Variants in ADGRB3 observed in about 807,000 individuals in gnomAD.
The protein encoded by ADGRB3 is adhesion G protein-coupled receptor B3.
Under a neutral mutation model 193.4 loss-of-function variants are expected in ADGRB3, and 37 were observed. The observed-to-expected ratio is 0.19, with a 90% confidence interval of 0.15 to 0.25. The LOEUF is 0.25. ADGRB3 is among the 10% of genes least tolerant of loss of function. The pLI is 1.00. For synonymous variants in ADGRB3, 690 were observed against 644.2 expected (o/e 1.07, Z -1.08); for missense variants, 1,637 against 1,852.9 (o/e 0.88, Z 2.14).
chr6:69,282,456 A>T (rs1561975936), intron 20 of ADGRB3, among the ~76,000 whole-genome samples: 1 of 152,198 alleles, frequency 6.6e-6, no homozygotes, highest in Non-Finnish European at 1.5e-5. Context: ...CTTTTGTCAA[A>T]AGTGAATTGA....
At position 69,170,960 on chromosome 6, in the gene ADGRB3, G is replaced by T. The variant is rs558648639; in HGVS notation, c.2481-62330G>T. The stretch of plus-strand genomic sequence containing the variant: ...ATAATGTAAGCTACATACATAATTT[G>T]CAATCTTCTAGTAGCCATACGAAAA... On this transcript the variant is annotated intron_variant, in intron 17 of 31. Transcript: ENST00000370598. Among the ~76,000 whole-genome samples, 31 of 152,196 alleles carry T rather than the reference G, an allele frequency of 2.0e-4. 1 individual carries two copies. The highest frequency in any genetic ancestry group is 7.0e-4 in the African/African-American group (29 of 41,524).
At chr6:69,363,168 C>T (rs551275003) in intron 29 of ADGRB3, among the ~76,000 whole-genome samples, 2 of 151,872 alleles carry the variant, frequency 1.3e-5, no homozygotes, top group African/African-American at 2.4e-5. Context: ...TCCAAATTTC[C>T]GTATCCTTAT....
intron 20 of ADGRB3, among the ~76,000 whole-genome samples, chr6:69,312,113 C>G (rs1157931597): frequency 6.6e-6 from 1 of 151,582 alleles, no homozygotes; most frequent in African/African-American, 2.4e-5. Flanking sequence ...GCTGACTCCC[C>G]ACAGGAATCT....
intron 24 of ADGRB3, among the ~76,000 whole-genome samples, chr6:69,337,367 G>A (rs527686831): frequency 2.6e-5 from 4 of 152,074 alleles, no homozygotes; most frequent in African/African-American, 9.7e-5. Flanking sequence ...TTAGAGAAGT[G>A]GTACTTGTTC....
chr6:68,742,652 G>T (rs1045317918), intron 3 of ADGRB3, among the ~76,000 whole-genome samples: 6 of 152,068 alleles, frequency 3.9e-5, no homozygotes, highest in African/African-American at 1.4e-4. Flanking sequence ...GAATAAAGGA[G>T]AGGTGAATAT....
chr6:69,104,170 A>C (rs1453555882), intron 17 of ADGRB3, among the ~76,000 whole-genome samples: 1 of 146,600 alleles, frequency 6.8e-6, no homozygotes, highest in Non-Finnish European at 1.5e-5. Flanking sequence ...GTATCTCCCA[A>C]TGCTATCCCT....
At chr6:68,939,529 A>G (rs533095271) in intron 5 of ADGRB3, among the ~76,000 whole-genome samples, 1 of 152,124 alleles carries the variant, frequency 6.6e-6, no homozygotes, top group Admixed American at 6.5e-5. Flanking sequence ...AAAGAAAATG[A>G]GAAAAGTTTT....
chr6:68,997,790 G>A (rs920607187), intron 11 of ADGRB3, among the ~76,000 whole-genome samples: 2 of 151,884 alleles, frequency 1.3e-5, no homozygotes, highest in Non-Finnish European at 2.9e-5. Context: ...ATTTCTAAAA[G>A]GTAACTTATT....
At chr6:68,756,754 A>G (rs185130448) in intron 3 of ADGRB3, among the ~76,000 whole-genome samples, 1 of 152,286 alleles carries the variant, frequency 6.6e-6, no homozygotes, top group African/African-American at 2.4e-5. Flanking sequence ...TTGGTATTCT[A>G]ATAGTTGCAG....
chr6:69,350,428 AAGATCTATTAC>A, intron 26 of ADGRB3, among the ~76,000 whole-genome samples: 1 of 152,104 alleles, frequency 6.6e-6, no homozygotes, highest in Non-Finnish European at 1.5e-5. Flanking sequence ...ATTCAGGTGA[AAGATCTATTAC>A]AGATTATTAT....
intron 3 of ADGRB3, among the ~76,000 whole-genome samples, chr6:68,664,995 A>C (rs1157120651): frequency 1.3e-5 from 2 of 151,862 alleles, no homozygotes; most frequent in South Asian, 2.1e-4. Flanking sequence ...TGTACTGTGT[A>C]TGTAATTGGA....
intron 3 of ADGRB3, among the ~76,000 whole-genome samples, chr6:68,889,900 AT>A (rs1766024390): frequency 6.6e-6 from 1 of 152,178 alleles, no homozygotes. Context: ...CAACTTTCAT[AT>A]TCCTTTGTAA....
chr6:69,057,080 A>C (rs556860017), intron 15 of ADGRB3, among the ~76,000 whole-genome samples: 2 of 151,990 alleles, frequency 1.3e-5, no homozygotes, highest in East Asian at 3.9e-4. Flanking sequence ...CATTTTTTTC[A>C]GAAATGTTTT....
chr6:68,913,721 G>A (rs1439304148), intron 3 of ADGRB3, among the ~76,000 whole-genome samples: 1 of 152,176 alleles, frequency 6.6e-6, no homozygotes, highest in East Asian at 1.9e-4. Context: ...GAGAGAAGAA[G>A]GCTTCAGACG....
intron 3 of ADGRB3, among the ~76,000 whole-genome samples, chr6:68,737,704 G>A (rs923538733): frequency 2.6e-5 from 4 of 152,052 alleles, no homozygotes; most frequent in Non-Finnish European, 4.4e-5. Flanking sequence ...TTGTAATCTC[G>A]TCGTTCTCAA....
intron 17 of ADGRB3, among the ~76,000 whole-genome samples, chr6:69,125,803 G>A (rs1184193940): frequency 6.6e-6 from 1 of 152,200 alleles, no homozygotes; most frequent in East Asian, 1.9e-4. Context: ...AAACAACATT[G>A]CTTACCTCCC....
chr6:68,851,769 G>A (rs1014113038), intron 3 of ADGRB3, among the ~76,000 whole-genome samples: 3 of 151,508 alleles, frequency 2.0e-5, no homozygotes, highest in South Asian at 2.1e-4. Flanking sequence ...ATATTGTATC[G>A]GGATATTCTT....
chr6:68,711,002 C>T (rs1243301448), intron 3 of ADGRB3, among the ~76,000 whole-genome samples: 1 of 152,110 alleles, frequency 6.6e-6, no homozygotes, highest in Middle Eastern at 3.4e-3. Context: ...TTTCTAGTTC[C>T]CTTGATCCCT....
intron 17 of ADGRB3, among the ~76,000 whole-genome samples, chr6:69,183,937 A>T (rs183014075): frequency 1.3e-5 from 2 of 152,244 alleles, no homozygotes; most frequent in Admixed American, 1.3e-4. Flanking sequence ...ATTATTATGG[A>T]AAGTTAACTA....
Sources: allele counts gnomAD v4.1 joint callset (sites outside exome capture counted in the v4.1 genomes callset), GRCh38; gene constraint gnomAD v4.1.1; transcripts MANE v1.5; gene names NCBI Gene and HGNC (gene_info 2026-07-23, HGNC 2026-07-21).